ZEB1: variants seen among roughly 807,000 people sequenced by gnomAD.
The protein encoded by ZEB1 is zinc finger E-box binding homeobox 1.
In ZEB1, 21 loss-of-function variants were observed where a neutral mutation model predicts 84.9. That is an observed-to-expected ratio of 0.25 (90% CI 0.18 to 0.36). ZEB1 has a LOEUF of 0.36. Among genes scored for constraint, ZEB1 ranks in the 10% least tolerant of loss-of-function variants. The pLI is 1.00. For synonymous variants in ZEB1, 420 were observed against 471.1 expected (o/e 0.89, Z 1.41); for missense variants, 1,104 against 1,330.2 (o/e 0.83, Z 2.65).
At chr10:31,436,282 A>G (rs952042740) in intron 1 of ZEB1, among the ~76,000 whole-genome samples, 70 of 152,222 alleles carry the variant, frequency 4.6e-4, no homozygotes, top group South Asian at 4.1e-4. Flanking sequence ...AAGGAGAATA[A>G]TAAGGGTGCT....
At position 31,520,267 on chromosome 10, in the gene ZEB1, G is replaced by A. The variant is rs1307881589; in HGVS notation, c.935G>A (p.Cys312Tyr). 1 of 1,613,920 alleles carries A rather than the reference G, an allele frequency of 6.2e-7. No homozygotes were observed. Residue 312 changes from cysteine to tyrosine, a missense_variant, in exon 7 of 9, where the codon TGT (cysteine) becomes TAT (tyrosine). Physicochemically the swap from Cys to Tyr is radical, Grantham distance 194. Transcript: ENST00000424869. The surrounding 1 kb of genome is among the most constrained non-coding windows in gnomAD (Gnocchi z 5.1). ...AGAACAGGACTCAAGACATCTCAGT[G>A]TTCTTCACCGTCTCTTTCAGCATCA... is the stretch of plus-strand genomic sequence containing the variant. ...RPRTGLKTSQ[C>Y]SSPSLSASPG...
intron 1 of ZEB1, among the ~76,000 whole-genome samples, chr10:31,337,049 A>T (rs918445593): frequency 1.3e-5 from 2 of 149,356 alleles, no homozygotes; most frequent in Admixed American, 1.3e-4. Flanking sequence ...AAAACAAAAA[A>T]ATAAATAATA....
chr10:31,470,986 TA>T (rs1464452820), intron 2 of ZEB1, among the ~76,000 whole-genome samples: 1 of 132,936 alleles, frequency 7.5e-6, no homozygotes, highest in African/African-American at 2.9e-5. Context: ...GAAGGAGAAA[TA>T]AAATCCTTTA....
intron 8 of ZEB1, 30 bp from the exon 9 acceptor site, chr10:31,526,642 A>G: frequency 3.1e-6 from 5 of 1,610,858 alleles, no homozygotes; most frequent in Non-Finnish European, 4.2e-6. Context: ...GAATACCACC[A>G]TTTTATTTAA....
chr10:31,323,032 T>A (rs1589926542), intron 1 of ZEB1, among the ~76,000 whole-genome samples: 1 of 152,192 alleles, frequency 6.6e-6, no homozygotes, highest in Non-Finnish European at 1.5e-5. Context: ...TTTTCTAGTT[T>A]GCCGAAACTA....
intron 1 of ZEB1, among the ~76,000 whole-genome samples, chr10:31,345,784 G>A (rs9299657): frequency 0.19 from 28,226 of 152,084 alleles, 3,274 homozygotes; most frequent in East Asian, 0.27. Flanking sequence ...TGCTAGGAGA[G>A]AGCCTAGAAA....
intron 6 of ZEB1, among the ~76,000 whole-genome samples, chr10:31,516,310 T>G (rs2071086994): frequency 6.6e-6 from 1 of 152,024 alleles, no homozygotes; most frequent in South Asian, 2.1e-4. Context: ...TATTTCTGTC[T>G]TGTTTTTAAA....
intron 1 of ZEB1, among the ~76,000 whole-genome samples, chr10:31,349,311 A>C (rs1339351470): frequency 6.6e-6 from 1 of 152,162 alleles, no homozygotes; most frequent in Admixed American, 6.6e-5. Flanking sequence ...TCTCTCTATC[A>C]GTTCATCTGT....
chr10:31,477,412 A>G (rs1373387506), intron 2 of ZEB1, among the ~76,000 whole-genome samples: 1 of 152,104 alleles, frequency 6.6e-6, no homozygotes, highest in African/African-American at 2.4e-5. Flanking sequence ...GGAAGACTCA[A>G]TATTGTTAAA....
chr10:31,396,855 T>C (rs1006484221), intron 1 of ZEB1, among the ~76,000 whole-genome samples: 1 of 152,176 alleles, frequency 6.6e-6, no homozygotes, highest in African/African-American at 2.4e-5. Flanking sequence ...ATGGATAGGC[T>C]TCAGGGAATC....
At chr10:31,319,027 G>T (rs538184509), upstream of ZEB1, 6 of 622,906 alleles carry the variant, frequency 9.6e-6, no homozygotes, top group Non-Finnish European at 1.8e-5. Flanking sequence ...CAGTGCCCAC[G>T]GTTGCCGCAA....
intron 1 of ZEB1, among the ~76,000 whole-genome samples, chr10:31,379,518 A>C (rs1174583871): frequency 6.6e-6 from 1 of 152,016 alleles, no homozygotes; most frequent in Non-Finnish European, 1.5e-5. Context: ...TGTGCAAGTC[A>C]AATTTAATTT....
At chr10:31,360,860 T>G (rs1245354736) in intron 1 of ZEB1, 1 of 944,394 alleles carries the variant, frequency 1.1e-6, no homozygotes, top group Admixed American at 1.9e-5. Flanking sequence ...CATTTACTAG[T>G]GCCACAGTAG....
intron 6 of ZEB1, among the ~76,000 whole-genome samples, chr10:31,519,198 T>C (rs1410883716): frequency 1.3e-5 from 2 of 152,206 alleles, no homozygotes; most frequent in African/African-American, 4.8e-5. Context: ...AAGCTTATAG[T>C]CTGTAACCTT....
At chr10:31,327,870 A>G (rs1174492603) in intron 1 of ZEB1, among the ~76,000 whole-genome samples, 2 of 152,182 alleles carry the variant, frequency 1.3e-5, no homozygotes. Flanking sequence ...ATAATCTGAT[A>G]GTTGCTTTAA....
chr10:31,448,652 G>T (rs1438502553), intron 1 of ZEB1, among the ~76,000 whole-genome samples: 10 of 151,928 alleles, frequency 6.6e-5, no homozygotes, highest in Non-Finnish European at 1.5e-4. Flanking sequence ...TCAGCTGCAG[G>T]TCTGTTGGAA....
intron 1 of ZEB1, among the ~76,000 whole-genome samples, chr10:31,451,660 A>G (rs2060581782): frequency 6.6e-6 from 1 of 152,214 alleles, no homozygotes; most frequent in Non-Finnish European, 1.5e-5. Flanking sequence ...GACTGAATTT[A>G]ATTTAATCTC....
At chr10:31,333,643 G>A (rs1347711013) in intron 1 of ZEB1, among the ~76,000 whole-genome samples, 1 of 151,856 alleles carries the variant, frequency 6.6e-6, no homozygotes, top group East Asian at 1.9e-4. Flanking sequence ...TAAAGAAGCT[G>A]AAGAAAGAAA....
intron 3 of ZEB1, among the ~76,000 whole-genome samples, chr10:31,497,101 T>C (rs1462095024): frequency 2.0e-5 from 3 of 152,104 alleles, no homozygotes; most frequent in Admixed American, 2.0e-4. Flanking sequence ...TGCTAAGCTA[T>C]AGAATATGTA....
Sources: allele counts gnomAD v4.1 joint callset (sites outside exome capture counted in the v4.1 genomes callset), GRCh38; gene constraint gnomAD v4.1.1; non-coding constraint Gnocchi (gnomAD v3.1); transcripts MANE v1.5; gene names NCBI Gene and HGNC (gene_info 2026-07-23, HGNC 2026-07-21).